ASAP2: variants seen among roughly 807,000 people sequenced by gnomAD.
ASAP2 encodes the protein arf-GAP with SH3 domain, ANK repeat and PH domain-containing protein 2.
In ASAP2, 45 loss-of-function variants were observed where a neutral mutation model predicts 131.4. That is an observed-to-expected ratio of 0.34 (90% confidence interval 0.27 to 0.44). ASAP2 has a LOEUF of 0.44. ASAP2 is among the 20% of genes least tolerant of loss of function. ASAP2 has a pLI of 1.00. For missense variants in ASAP2, 1,011 were observed against 1,297.0 expected, an observed-to-expected ratio of 0.78 and a Z score of 3.39; for synonymous variants, 510 against 503.0, an observed-to-expected ratio of 1.01 and a Z score of -0.19.
chr2:9,252,759 C>CA (rs1233994933), intron 1 of ASAP2, among the ~76,000 whole-genome samples: 2 of 151,414 alleles, frequency 1.3e-5, no homozygotes, highest in Non-Finnish European at 2.9e-5. Context: ...ACTAAAAATA[C>CA]AAAAAAATTA....
intron 16 of ASAP2, among the ~76,000 whole-genome samples, chr2:9,369,239 G>C (rs1442827483): frequency 6.6e-6 from 1 of 152,126 alleles, no homozygotes; most frequent in South Asian, 2.1e-4. Context: ...GGCTGGACTC[G>C]AACTCCTGAC....
intron 1 of ASAP2, among the ~76,000 whole-genome samples, chr2:9,271,054 A>G (rs142778233): frequency 0.017 from 2,600 of 151,464 alleles, 39 homozygotes; most frequent in Middle Eastern, 0.041. Context: ...CGGCCTCCCA[A>G]AGTGCTGGGA....
chr2:9,351,424 C>T (rs560922407), intron 12 of ASAP2, among the ~76,000 whole-genome samples: 2 of 152,284 alleles, frequency 1.3e-5, no homozygotes, highest in East Asian at 3.9e-4. Context: ...CCCACAGAAC[C>T]ATCCATTGTG....
intron 22 of ASAP2, among the ~76,000 whole-genome samples, chr2:9,390,103 T>C (rs1451310246): frequency 6.6e-6 from 1 of 152,226 alleles, no homozygotes; most frequent in Non-Finnish European, 1.5e-5. Flanking sequence ...GTCTTGGAAT[T>C]CAAGGGTTTT....
rs1223900578 is a variant in ASAP2 at position 9,224,243 on chromosome 2, T to G, written c.126+17013T>G. On this transcript the variant is annotated intron_variant, in intron 1 of 27. Transcript: ENST00000281419. ...GGCTTCCTGCTTGACCTCTGAATAC[T>G]CTGGCGCTTCCTTTTTGGGGTCAGG... Among the ~76,000 whole-genome samples the G allele has an allele frequency of 1.8e-4, 28 of 152,122 alleles. 1 individual carries two copies. Among genetic ancestry groups the G allele is most frequent in the Non-Finnish European group, 4.4e-5 (3 of 68,024 alleles).
At chr2:9,397,851 C>T (rs1270439376) in intron 24 of ASAP2, among the ~76,000 whole-genome samples, 6 of 146,562 alleles carry the variant, frequency 4.1e-5, no homozygotes, top group Admixed American at 3.4e-4. Flanking sequence ...CTCCGCCTCC[C>T]GGGTTCACGC....
chr2:9,299,210 G>A (rs1668338048), intron 3 of ASAP2, among the ~76,000 whole-genome samples: 1 of 152,078 alleles, frequency 6.6e-6, no homozygotes, highest in Non-Finnish European at 1.5e-5. Flanking sequence ...AGCGCAATAA[G>A]GGAAAAGACC....
At position 9,374,952 on chromosome 2, in the gene ASAP2, T is replaced by G; in HGVS notation, c.1746+8T>G. On this transcript the variant is annotated splice_region_variant and intron_variant, in intron 17 of 27. Coordinates refer to ENST00000281419, the MANE Select transcript of ASAP2 (RefSeq NM_003887.3). The stretch of plus-strand genomic sequence containing the variant: ...CCACTGGCCAACGGACATGTAAGAG[T>G]GTGGGTTGTTGCTACTTTAAAAAAA... 3.2e-6 allele frequency: 5 copies of G among 1,553,018 alleles called. No homozygotes were observed. Among genetic ancestry groups the G allele is most frequent in the African/African-American group, 1.5e-5 (1 of 67,160 alleles).
chr2:9,254,353 C>CTTTT (rs777033631), intron 1 of ASAP2, among the ~76,000 whole-genome samples: 1 of 103,962 alleles, frequency 9.6e-6, no homozygotes. Context: ...ATAAACTAAA[C>CTTTT]TTTTTTTTTT....
chr2:9,398,009 C>A (rs1347754127), intron 24 of ASAP2, among the ~76,000 whole-genome samples: 1 of 151,364 alleles, frequency 6.6e-6, no homozygotes, highest in South Asian at 2.1e-4. Context: ...CCGCCCGCCT[C>A]GGCCTCCCAA....
intron 1 of ASAP2, among the ~76,000 whole-genome samples, chr2:9,256,304 A>G (rs1490141632): frequency 6.6e-6 from 1 of 152,168 alleles, no homozygotes; most frequent in Admixed American, 6.5e-5. Flanking sequence ...CCAGGATGTT[A>G]AAAGTTGGAG....
intron 22 of ASAP2, 141 bp downstream of exon 22, chr2:9,388,687 G>T (rs1675491132): frequency 7.9e-7 from 1 of 1,272,680 alleles, no homozygotes; most frequent in Non-Finnish European, 1.0e-6. Context: ...TTCCTAAAGG[G>T]ATTCCATCAT....
intron 1 of ASAP2, among the ~76,000 whole-genome samples, chr2:9,229,415 C>T (rs1265305326): frequency 6.6e-6 from 1 of 152,178 alleles, no homozygotes; most frequent in Non-Finnish European, 1.5e-5. Flanking sequence ...GTCGATGAAC[C>T]AACCTGAGTA....
intron 1 of ASAP2, among the ~76,000 whole-genome samples, chr2:9,219,023 C>T (rs1327221979): frequency 6.6e-6 from 1 of 152,146 alleles, no homozygotes; most frequent in Admixed American, 6.5e-5. Context: ...TGCCATCTGT[C>T]TTGCCTCAGA....
intron 1 of ASAP2, among the ~76,000 whole-genome samples, chr2:9,261,993 C>T (rs182116858): frequency 1.3e-5 from 2 of 152,258 alleles, no homozygotes; most frequent in Non-Finnish European, 2.9e-5. Context: ...TCAGAAACAC[C>T]TGAGCACACC....
chr2:9,267,135 A>AT (rs1033145220), intron 1 of ASAP2, among the ~76,000 whole-genome samples: 1 of 152,108 alleles, frequency 6.6e-6, no homozygotes, highest in African/African-American at 2.4e-5. Flanking sequence ...TTTCAATGAG[A>AT]TTTTTTTAAA....
intron 1 of ASAP2, among the ~76,000 whole-genome samples, chr2:9,275,119 C>T (rs1188962172): frequency 4.8e-5 from 7 of 146,686 alleles, no homozygotes; most frequent in African/African-American, 1.8e-4. Flanking sequence ...GTCTGTCTGT[C>T]ACCCAGGCTA....
chr2:9,348,131 T>C (rs1442326982), intron 11 of ASAP2, among the ~76,000 whole-genome samples: 2 of 152,142 alleles, frequency 1.3e-5, no homozygotes, highest in Non-Finnish European at 2.9e-5. Context: ...TGTTTGTTTG[T>C]TTGTTTGTTT....
At chr2:9,282,988 G>C (rs1667230260) in intron 2 of ASAP2, among the ~76,000 whole-genome samples, 1 of 151,990 alleles carries the variant, frequency 6.6e-6, no homozygotes, top group Admixed American at 6.6e-5. Flanking sequence ...CAGGGGACCT[G>C]CCCTTGCTTC....
Sources: allele counts gnomAD v4.1 joint callset (sites outside exome capture counted in the v4.1 genomes callset), GRCh38; gene constraint gnomAD v4.1.1; transcripts MANE v1.5; gene names NCBI Gene and HGNC (gene_info 2026-07-23, HGNC 2026-07-21).